Variants in CIMAP2 observed in about 807,000 individuals in gnomAD.
CIMAP2 encodes ciliary microtubule associated protein 2, also known as ciliary microtubule-associated protein 2.
At chr1:54,812,001 A>T in the CIMAP2 span, 2 of 1,613,666 alleles carry the variant, frequency 1.2e-6, no homozygotes, top group Admixed American at 3.3e-5. Context: ...GCAGAGGGGG[A>T]AGCTGAGCTC....
the CIMAP2 span, among the ~76,000 whole-genome samples, chr1:54,823,942 T>G: frequency 1.3e-4 from 20 of 152,208 alleles, no homozygotes; most frequent in African/African-American, 3.1e-4. Context: ...TTGGCAGTTT[T>G]TTTGTTTGTT....
the CIMAP2 span, chr1:54,812,137 CT>C: frequency 6.2e-7 from 1 of 1,614,268 alleles, no homozygotes; most frequent in Non-Finnish European, 8.5e-7. Flanking sequence ...CCCTATGACA[CT>C]TTCTCTGGTG....
At chr1:54,820,854 C>T in the CIMAP2 span, among the ~76,000 whole-genome samples, 475 of 152,190 alleles carry the variant, frequency 3.1e-3, 2 homozygotes, top group African/African-American at 0.011. Context: ...CTGCAACCTC[C>T]GCCTCCTGGG....
chr1:54,837,860 T>A, the CIMAP2 span, among the ~76,000 whole-genome samples: 1 of 152,006 alleles, frequency 6.6e-6, no homozygotes, highest in Non-Finnish European at 1.5e-5. Flanking sequence ...AGAACAGATT[T>A]TCTGTCCCTA....
the CIMAP2 span, chr1:54,811,773 G>GCCCCTC: frequency 7.5e-7 from 1 of 1,325,052 alleles, no homozygotes. Flanking sequence ...CAGCCTCCAT[G>GCCCCTC]CCCCCACCCC....
the CIMAP2 span, among the ~76,000 whole-genome samples, chr1:54,833,553 G>A: frequency 6.6e-6 from 1 of 152,286 alleles, no homozygotes; most frequent in East Asian, 1.9e-4. Context: ...TGGGCTTCCA[G>A]CCTGGAAGCC....
chr1:54,806,739 T>A, the CIMAP2 span, among the ~76,000 whole-genome samples: 1 of 147,022 alleles, frequency 6.8e-6, no homozygotes, highest in African/African-American at 2.5e-5. Context: ...AACAAAAGTA[T>A]GTACATCTGT....
chr1:54,817,256 G>C, the CIMAP2 span: 1 of 1,219,504 alleles, frequency 8.2e-7, no homozygotes, highest in Non-Finnish European at 1.1e-6. Flanking sequence ...AAACAGCAGA[G>C]GCAGTGGAGG....
chr1:54,817,233 C>T, the CIMAP2 span: 7 of 1,419,980 alleles, frequency 4.9e-6, no homozygotes, highest in East Asian at 1.4e-4. Context: ...AGCTTCTGCC[C>T]CTAATGCCAG....
chr1:54,819,044 T>A, the CIMAP2 span, among the ~76,000 whole-genome samples: 1 of 152,190 alleles, frequency 6.6e-6, no homozygotes, highest in South Asian at 2.1e-4. Context: ...GTGAGTCTGG[T>A]TGGGGCCTGT....
the CIMAP2 span, among the ~76,000 whole-genome samples, chr1:54,821,897 T>C: frequency 6.2e-5 from 5 of 80,754 alleles, no homozygotes; most frequent in Non-Finnish European, 1.0e-4. Context: ...TTTTTTTTTT[T>C]TTTTTTTTTT....
the CIMAP2 span, chr1:54,812,148 G>A: frequency 6.2e-7 from 1 of 1,614,234 alleles, no homozygotes; most frequent in Non-Finnish European, 8.5e-7. Context: ...TTTCTCTGGT[G>A]ATCGGAGCAA....
At chr1:54,824,698 A>G in the CIMAP2 span, among the ~76,000 whole-genome samples, 1 of 151,794 alleles carries the variant, frequency 6.6e-6, no homozygotes, top group African/African-American at 2.4e-5. Flanking sequence ...AATTTCCTAT[A>G]TTGAATTGTT....
the CIMAP2 span, among the ~76,000 whole-genome samples, chr1:54,832,126 T>C: frequency 0.015 from 2,219 of 152,348 alleles, 60 homozygotes; most frequent in African/African-American, 0.051. Context: ...ATTACAGGCA[T>C]GAACCACCAT....
chr1:54,841,814 C>G, the CIMAP2 span: 1 of 1,567,734 alleles, frequency 6.4e-7, no homozygotes, highest in Non-Finnish European at 8.7e-7. Flanking sequence ...AAGGATCACA[C>G]CATTTACTAA....
the CIMAP2 span, among the ~76,000 whole-genome samples, chr1:54,818,286 C>T: frequency 3.3e-5 from 5 of 152,238 alleles, no homozygotes; most frequent in South Asian, 1.0e-3. Context: ...TTGTCTTTGA[C>T]GATTTCCTCT....
chr1:54,812,107 G>C, the CIMAP2 span: 10 of 1,614,188 alleles, frequency 6.2e-6, no homozygotes, highest in Non-Finnish European at 7.6e-6. Flanking sequence ...TATGTGGCAC[G>C]ATCCGTCGGC....
the CIMAP2 span, chr1:54,811,765 G>GCCGGGGGGGGGGGGGGCGCCCCC: frequency 7.7e-7 from 1 of 1,301,332 alleles, no homozygotes; most frequent in Non-Finnish European, 1.1e-6. Context: ...GGTTCTGACA[G>GCCGGGGGGGGGGGGGGCGCCCCC]CCTCCATGCC....
the CIMAP2 span, among the ~76,000 whole-genome samples, chr1:54,822,000 G>A: frequency 2.8e-5 from 3 of 107,504 alleles, no homozygotes; most frequent in East Asian, 3.7e-4. Context: ...CCGGGTTCAC[G>A]CCATTCTCCC....
Sources: allele counts gnomAD v4.1 joint callset (sites outside exome capture counted in the v4.1 genomes callset), GRCh38; gene constraint gnomAD v4.1.1; transcripts MANE v1.5; gene names NCBI Gene and HGNC (gene_info 2026-07-23, HGNC 2026-07-21).